The following KCNIP4 variants were observed in gnomAD, a reference collection of about 807,000 sequenced individuals.
The protein encoded by KCNIP4 is Kv channel-interacting protein 4.
In KCNIP4, 12 loss-of-function variants were observed where a neutral mutation model predicts 34.0. The observed-to-expected ratio is 0.35, with a 90% confidence interval of 0.23 to 0.57. The LOEUF is 0.57. KCNIP4 is among the 20% of genes least tolerant of loss of function. KCNIP4 has a pLI of 0.83. For missense variants in KCNIP4, 238 were observed against 311.7 expected, an observed-to-expected ratio of 0.76 and a Z score of 1.78; for synonymous variants, 124 against 102.2, an observed-to-expected ratio of 1.21 and a Z score of -1.29.
chr4:21,220,310 G>C (rs1423309663), intron 1 of KCNIP4, among the ~76,000 whole-genome samples: 1 of 152,076 alleles, frequency 6.6e-6, no homozygotes, highest in African/African-American at 2.4e-5. Context: ...AATTGATTAA[G>C]GGATGAACCT....
chr4:20,923,775 A>G (rs1729636291), intron 1 of KCNIP4, among the ~76,000 whole-genome samples: 1 of 152,192 alleles, frequency 6.6e-6, no homozygotes, highest in Non-Finnish European at 1.5e-5. Context: ...CTCATGCTCA[A>G]AAATGGCTAC....
At chr4:21,507,493 A>G (rs938325286) in intron 1 of KCNIP4, among the ~76,000 whole-genome samples, 4 of 152,046 alleles carry the variant, frequency 2.6e-5, no homozygotes, top group African/African-American at 9.7e-5. Context: ...CTGAGCTCAG[A>G]CAATCTGCCC....
chr4:21,016,530 C>T (rs928759888), intron 1 of KCNIP4, among the ~76,000 whole-genome samples: 6 of 152,102 alleles, frequency 3.9e-5, no homozygotes, highest in Admixed American at 2.6e-4. Context: ...CTCCTGACCT[C>T]GTGATCTGCC....
chr4:21,519,577 T>C (rs1735226162), intron 1 of KCNIP4, among the ~76,000 whole-genome samples: 2 of 25,246 alleles, frequency 7.9e-5, no homozygotes, highest in African/African-American at 3.6e-4. Flanking sequence ...TATACACATA[T>C]GTGTGTGTAT....
At chr4:21,618,630 C>CTTTTTTTTTTTTTT (rs58967707) in intron 1 of KCNIP4, among the ~76,000 whole-genome samples, 3 of 81,790 alleles carry the variant, frequency 3.7e-5, no homozygotes, top group East Asian at 3.9e-4. Context: ...TTTTCTTTTT[C>CTTTTTTTTTTTTTT]TTTTTTTTTT....
intron 1 of KCNIP4, among the ~76,000 whole-genome samples, chr4:21,758,238 C>G (rs1717800211): frequency 6.6e-6 from 1 of 152,166 alleles, no homozygotes; most frequent in South Asian, 2.1e-4. Context: ...AACCAACAAC[C>G]TCTCTGTTCT....
At chr4:21,005,379 T>TA (rs1295653199) in intron 1 of KCNIP4, among the ~76,000 whole-genome samples, 1 of 152,194 alleles carries the variant, frequency 6.6e-6, no homozygotes. Context: ...ATCATGCAGA[T>TA]AAAACTAACA....
At chr4:20,989,031 CT>C (rs1307471412) in intron 1 of KCNIP4, among the ~76,000 whole-genome samples, 1 of 152,150 alleles carries the variant, frequency 6.6e-6, no homozygotes, top group African/African-American at 2.4e-5. Flanking sequence ...AGCCCAAATC[CT>C]TTTTTCTTTG....
intron 2 of KCNIP4, among the ~76,000 whole-genome samples, chr4:20,857,218 A>T (rs942010781): frequency 2.6e-5 from 4 of 152,034 alleles, no homozygotes; most frequent in Non-Finnish European, 5.9e-5. Flanking sequence ...CCAGCATATG[A>T]TAAGTTAAAA....
intron 1 of KCNIP4, among the ~76,000 whole-genome samples, chr4:21,136,673 G>T (rs1386911840): frequency 6.6e-6 from 1 of 152,070 alleles, no homozygotes; most frequent in Non-Finnish European, 1.5e-5. Context: ...GACATGGCAG[G>T]GAGTCCTCCT....
At chr4:21,847,662 C>T (rs1219728275) in intron 1 of KCNIP4, 1 of 152,074 alleles carries the variant, frequency 6.6e-6, no homozygotes, top group African/African-American at 2.4e-5. Context: ...CTCTTAATCA[C>T]AAAAATGATT....
intron 1 of KCNIP4, among the ~76,000 whole-genome samples, chr4:21,288,695 T>G (rs1169283326): frequency 6.6e-6 from 1 of 152,174 alleles, no homozygotes; most frequent in Non-Finnish European, 1.5e-5. Context: ...ATTCAGATGA[T>G]TGCGTCAGAA....
chr4:21,370,150 A>G (rs1720193328), intron 1 of KCNIP4, among the ~76,000 whole-genome samples: 1 of 147,674 alleles, frequency 6.8e-6, no homozygotes, highest in Admixed American at 6.6e-5. Flanking sequence ...CTTAATGTGG[A>G]AAAACTAAGA....
At chr4:21,170,336 G>C (rs976757861) in intron 1 of KCNIP4, among the ~76,000 whole-genome samples, 1 of 152,136 alleles carries the variant, frequency 6.6e-6, no homozygotes, top group Middle Eastern at 3.4e-3. Flanking sequence ...AATTTGCTTC[G>C]GTTTCTAACA....
chr4:20,757,772 A>T (rs1018129203), intron 4 of KCNIP4, among the ~76,000 whole-genome samples: 2 of 152,122 alleles, frequency 1.3e-5, no homozygotes, highest in African/African-American at 2.4e-5. Flanking sequence ...GTGTATCTTT[A>T]AAAAAATGAG....
intron 1 of KCNIP4, among the ~76,000 whole-genome samples, chr4:21,662,886 A>G (rs988447): frequency 6.6e-6 from 1 of 152,046 alleles, no homozygotes; most frequent in African/African-American, 2.4e-5. Context: ...AACTTGATTC[A>G]AGGGTTATTT....
intron 3 of KCNIP4, among the ~76,000 whole-genome samples, chr4:20,778,195 C>T (rs1288739180): frequency 6.6e-6 from 1 of 152,130 alleles, no homozygotes; most frequent in Admixed American, 6.6e-5. Context: ...CATCTAGTCT[C>T]CACTACTCAC....
At chr4:21,015,272 T>C (rs1739396395) in intron 1 of KCNIP4, among the ~76,000 whole-genome samples, 1 of 149,420 alleles carries the variant, frequency 6.7e-6, no homozygotes. Context: ...ATGGACAAAA[T>C]GCTAGAAATA....
chr4:21,246,410 A>T lies in KCNIP4; in HGVS notation c.62-363701T>A, dbSNP rs1361545269. 2.0e-5 allele frequency among the ~76,000 whole-genome samples: 3 copies of T among 152,314 alleles called. No homozygotes were observed. The East Asian group carries it at 5.8e-4, about 29-fold the overall frequency. ...CTTCGAAGCTTAAGCTGATTTTGTC[A>T]ACTAGAATTTAGTTTTACATGATTC... On this transcript the variant is annotated intron_variant, in intron 1 of 8. Coordinates refer to ENST00000382152, the MANE Select transcript of KCNIP4 (RefSeq NM_025221.6).
Sources: allele counts gnomAD v4.1 joint callset (sites outside exome capture counted in the v4.1 genomes callset), GRCh38; gene constraint gnomAD v4.1.1; transcripts MANE v1.5; gene names NCBI Gene and HGNC (gene_info 2026-07-23, HGNC 2026-07-21).